The following PARD3B variants were observed in gnomAD, a reference collection of about 807,000 sequenced individuals.
PARD3B encodes the protein partitioning defective 3 homolog B.
A neutral mutation model predicts 130.2 loss-of-function variants in PARD3B; 103 were observed. That is an observed-to-expected ratio of 0.79 (90% confidence interval 0.67 to 0.93). The LOEUF (loss-of-function observed/expected upper bound fraction) is 0.93. PARD3B is among the 40% of genes least tolerant of loss of function. The pLI is 0.00. For synonymous variants in PARD3B, 583 were observed against 553.2 expected (o/e 1.05, Z -0.76); for missense variants, 1,609 against 1,499.2 (o/e 1.07, Z -1.21).
At chr2:205,208,601 A>G (rs1466864087) in intron 15 of PARD3B, among the ~76,000 whole-genome samples, 1 of 143,174 alleles carries the variant, frequency 7.0e-6, no homozygotes, top group East Asian at 2.0e-4. Flanking sequence ...CCAAATCATG[A>G]GTGAACTCCC....
intron 2 of PARD3B, among the ~76,000 whole-genome samples, chr2:204,697,712 C>G (rs940382945): frequency 1.3e-5 from 2 of 152,034 alleles, no homozygotes; most frequent in Non-Finnish European, 2.9e-5. Context: ...TCCGTTGTCC[C>G]CTTTCTCCCT....
chr2:205,545,616 T>G (rs1291506977), intron 21 of PARD3B, among the ~76,000 whole-genome samples: 1 of 152,172 alleles, frequency 6.6e-6, no homozygotes, highest in Non-Finnish European at 1.5e-5. Flanking sequence ...TATTGCAACT[T>G]TGCTTGGCCT....
intron 21 of PARD3B, among the ~76,000 whole-genome samples, chr2:205,517,607 C>T (rs1360986802): frequency 6.6e-6 from 1 of 151,832 alleles, no homozygotes; most frequent in Non-Finnish European, 1.5e-5. Context: ...TTTGTTATTT[C>T]TTATCTTCTG....
chr2:205,291,989 G>A lies in PARD3B; in HGVS notation c.2186-8541G>A, dbSNP rs1391561252. Among the ~76,000 whole-genome samples, 1 of 152,216 alleles carries A rather than the reference G, an allele frequency of 6.6e-6. No homozygotes were observed. The highest frequency in any genetic ancestry group is 1.5e-5 in the Non-Finnish European group (1 of 68,036). On this transcript the variant is annotated intron_variant, in intron 16 of 22. Coordinates refer to ENST00000406610, the MANE Select transcript of PARD3B (RefSeq NM_001302769.2). The surrounding 1 kb of genome is among the most constrained non-coding windows in gnomAD (Gnocchi z 4.6). ...GTGCAAGGGCCCTGGAGACAGAGTG[G>A]TGTCAAAGGAGGGGCTGCTGGTGCC...
At chr2:204,649,313 T>TA (rs2035398737) in intron 1 of PARD3B, among the ~76,000 whole-genome samples, 1 of 151,674 alleles carries the variant, frequency 6.6e-6, no homozygotes. Flanking sequence ...GTCTATTTTT[T>TA]ATGTATTTTG....
chr2:204,911,109 CTG>C (rs2047220129), intron 2 of PARD3B, among the ~76,000 whole-genome samples: 1 of 152,130 alleles, frequency 6.6e-6, no homozygotes. Context: ...CCTCATGTGT[CTG>C]TGAACTTTTC....
intron 20 of PARD3B, among the ~76,000 whole-genome samples, chr2:205,444,329 C>A (rs748073103): frequency 2.0e-4 from 31 of 152,036 alleles, no homozygotes; most frequent in Non-Finnish European, 4.3e-4. Flanking sequence ...TGGTATGCAC[C>A]TGTAGTCCAA....
At chr2:205,514,588 A>G (rs973921151) in intron 21 of PARD3B, among the ~76,000 whole-genome samples, 1 of 143,296 alleles carries the variant, frequency 7.0e-6, no homozygotes, top group African/African-American at 2.5e-5. Flanking sequence ...CAATACAGAT[A>G]GATACATATG....
chr2:204,742,382 A>C (rs765173861), intron 2 of PARD3B, among the ~76,000 whole-genome samples: 6 of 152,278 alleles, frequency 3.9e-5, no homozygotes, highest in African/African-American at 4.8e-5. Flanking sequence ...AATGAAGATA[A>C]GTAGACCAGG....
intron 2 of PARD3B, among the ~76,000 whole-genome samples, chr2:204,687,433 G>A (rs962810459): frequency 6.6e-6 from 1 of 152,112 alleles, no homozygotes; most frequent in Non-Finnish European, 1.5e-5. Context: ...TAAATAGATT[G>A]TAAGCTCCTA....
intron 18 of PARD3B, among the ~76,000 whole-genome samples, chr2:205,375,414 C>G (rs145028662): frequency 6.6e-6 from 1 of 152,250 alleles, no homozygotes; most frequent in East Asian, 1.9e-4. Context: ...AGGAAGAGCC[C>G]TCTGGGTCAG....
intron 22 of PARD3B, among the ~76,000 whole-genome samples, chr2:205,553,748 C>T (rs999980811): frequency 2.0e-5 from 3 of 152,148 alleles, no homozygotes; most frequent in African/African-American, 7.2e-5. Context: ...CTAGGAGTTA[C>T]GCACGAGGAA....
At chr2:204,965,469 C>A in intron 3 of PARD3B, 146 bp downstream of exon 3, 1 of 895,092 alleles carries the variant, frequency 1.1e-6, no homozygotes, top group Non-Finnish European at 1.6e-6. Flanking sequence ...TTTTACATAG[C>A]TCTTTGCAGC....
At chr2:205,127,799 T>C (rs954182937) in intron 10 of PARD3B, among the ~76,000 whole-genome samples, 6 of 152,216 alleles carry the variant, frequency 3.9e-5, no homozygotes, top group Admixed American at 3.9e-4. Flanking sequence ...GACTCCTCCA[T>C]ACCCAACCAT....
At chr2:204,939,516 G>A (rs540509968) in intron 2 of PARD3B, among the ~76,000 whole-genome samples, 16 of 152,152 alleles carry the variant, frequency 1.1e-4, no homozygotes, top group African/African-American at 3.9e-4. Flanking sequence ...GAATAACAGA[G>A]AAATGAAGAC....
At chr2:204,696,587 C>T (rs966768454) in intron 2 of PARD3B, among the ~76,000 whole-genome samples, 5 of 151,976 alleles carry the variant, frequency 3.3e-5, no homozygotes, top group Admixed American at 6.6e-5. Context: ...CTATATAAAC[C>T]GCTTGTACTT....
intron 22 of PARD3B, among the ~76,000 whole-genome samples, chr2:205,587,097 T>G (rs1394028423): frequency 6.6e-6 from 1 of 152,176 alleles, no homozygotes; most frequent in Non-Finnish European, 1.5e-5. Context: ...TAACCACAGT[T>G]GACCAGAAGA....
rs749695752 is a variant in PARD3B at position 205,619,356 on chromosome 2, G to A, written c.*3543G>A. The stretch of plus-strand genomic sequence containing the variant: ...TCAGGAGGGTCGAGAGATCTAAAGA[G>A]TTTGGTCTGAATGTGTGTCTGTACA... On this transcript the variant is annotated 3_prime_UTR_variant, in exon 23 of 23. Coordinates refer to ENST00000406610, the MANE Select transcript of PARD3B (RefSeq NM_001302769.2). 8 of 152,242 alleles carry A rather than the reference G, an allele frequency of 5.3e-5. No individual in the cohort carries two copies. Among genetic ancestry groups the A allele is most frequent in the Non-Finnish European group, 1.2e-4 (8 of 68,060 alleles). 9.4% of individuals were successfully genotyped at this position (152,242 alleles called of 1,614,324 possible).
chr2:204,750,595 C>CAT (rs767696048), intron 2 of PARD3B, among the ~76,000 whole-genome samples: 10 of 149,550 alleles, frequency 6.7e-5, no homozygotes, highest in African/African-American at 2.5e-4. Flanking sequence ...CAAAAATACA[C>CAT]ACATACATAC....
Sources: gnomAD v4.1 joint callset for allele counts (sites outside exome capture counted in the v4.1 genomes callset) on GRCh38, gnomAD v4.1.1 for gene constraint, Gnocchi (gnomAD v3.1) non-coding constraint, MANE v1.5 for transcripts, NCBI Gene and HGNC (gene_info 2026-07-23, HGNC 2026-07-21) for gene names.